The following KCNK3 variants were observed in gnomAD, a reference collection of about 807,000 sequenced individuals.
KCNK3 encodes the protein potassium channel subfamily K member 3.
A neutral mutation model predicts 27.3 loss-of-function variants in KCNK3; 9 were observed. The ratio of observed to expected loss-of-function variants is 0.33; its 90% CI spans 0.20 to 0.57. The LOEUF is 0.57. KCNK3 is among the 20% of genes least tolerant of loss of function. The pLI is 0.87. For missense variants in KCNK3, 391 were observed against 577.7 expected (o/e 0.68, Z 3.31); for synonymous variants, 278 against 273.8 (o/e 1.02, Z -0.15).
chr2:26,700,363 C>T (rs1294142179), intron 1 of KCNK3, among the ~76,000 whole-genome samples: 1 of 152,244 alleles, frequency 6.6e-6, no homozygotes, highest in Non-Finnish European at 1.5e-5. Context: ...CATGCTACAG[C>T]AGCTCCCAGG....
chr2:26,724,319 C>T (rs1042370807), intron 1 of KCNK3, among the ~76,000 whole-genome samples: 1 of 152,334 alleles, frequency 6.6e-6, no homozygotes, highest in African/African-American at 2.4e-5. Context: ...CTCAGAGCAA[C>T]GCCTGAGGCT....
intron 1 of KCNK3, among the ~76,000 whole-genome samples, chr2:26,694,882 C>T (rs1011119795): frequency 6.6e-6 from 1 of 152,148 alleles, no homozygotes; most frequent in African/African-American, 2.4e-5. Context: ...TTCTCAGGCC[C>T]ATGGTCCCCA....
intron 1 of KCNK3, among the ~76,000 whole-genome samples, chr2:26,708,655 GACA>G (rs2148260453): frequency 6.6e-6 from 1 of 152,264 alleles, no homozygotes; most frequent in Non-Finnish European, 1.5e-5. Flanking sequence ...CTCCAGCCTG[GACA>G]ACAAGAGCAA....
rs575753103 is a variant in KCNK3, at chr2:26,712,262, G to A, written c.284-15405G>A. Among the ~76,000 whole-genome samples, 4 of 152,344 alleles carry A rather than the reference G, an allele frequency of 2.6e-5. No homozygotes were observed. In the South Asian group the frequency reaches 6.2e-4, roughly 24 times the overall value. On this transcript the variant is annotated intron_variant, in intron 1 of 1. Transcript: ENST00000302909. The stretch of plus-strand genomic sequence containing the variant: ...TCTCCGTGTAAAGGGCAGTGTCCCC[G>A]AGGATGGGGACAACTGTTTGCTGTC...
intron 1 of KCNK3, among the ~76,000 whole-genome samples, chr2:26,711,213 A>C (rs1408169752): frequency 6.6e-6 from 1 of 152,120 alleles, no homozygotes; most frequent in African/African-American, 2.4e-5. Flanking sequence ...TGACCGAGTC[A>C]CCTCACCTGT....
chr2:26,696,650 C>T (rs1670238913), intron 1 of KCNK3, among the ~76,000 whole-genome samples: 1 of 152,218 alleles, frequency 6.6e-6, no homozygotes, highest in South Asian at 2.1e-4. Flanking sequence ...GTTCACCCAA[C>T]AGTAATAGAA....
chr2:26,698,263 A>G (rs1212625391), intron 1 of KCNK3, among the ~76,000 whole-genome samples: 1 of 149,846 alleles, frequency 6.7e-6, no homozygotes, highest in Admixed American at 6.7e-5. Context: ...CTTCCTGCCC[A>G]CAGGCTAGCC....
chr2:26,710,835 G>A (rs558949716), intron 1 of KCNK3, among the ~76,000 whole-genome samples: 2 of 152,284 alleles, frequency 1.3e-5, no homozygotes, highest in African/African-American at 4.8e-5. Context: ...AGGTCCAGCC[G>A]CTCTCCCGAA....
At chr2:26,694,827 C>T (rs1670215113) in intron 1 of KCNK3, among the ~76,000 whole-genome samples, 2 of 152,154 alleles carry the variant, frequency 1.3e-5, no homozygotes, top group Non-Finnish European at 2.9e-5. Context: ...GACCCTCTCT[C>T]TCCCTCTTTT....
At position 26,695,872 on chromosome 2, in the gene KCNK3, CT is replaced by C. The variant is rs376818461; in HGVS notation, c.283+2715del. Among the ~76,000 whole-genome samples, 114 of 152,336 alleles carry C rather than the reference CT, an allele frequency of 7.5e-4. 2 individuals carry two copies. The East Asian group carries it at 0.015, about 20-fold the overall frequency. The stretch of plus-strand genomic sequence containing the variant: ...GGAAAGACAACATCAGACCACCCCC[CT>C]GGTTCTGTGGGGGCCCCTCCCTCCC... On this transcript the variant is annotated intron_variant, in intron 1 of 1. Coordinates refer to ENST00000302909, the MANE Select transcript of KCNK3 (RefSeq NM_002246.3).
intron 1 of KCNK3, among the ~76,000 whole-genome samples, chr2:26,711,414 T>C (rs1323221639): frequency 2.0e-5 from 3 of 152,160 alleles, no homozygotes; most frequent in Non-Finnish European, 2.9e-5. Flanking sequence ...TCTTTCTCCC[T>C]AGAGGAGTGA....
intron 1 of KCNK3, among the ~76,000 whole-genome samples, chr2:26,700,496 T>C (rs1009777478): frequency 6.6e-6 from 1 of 152,184 alleles, no homozygotes; most frequent in Admixed American, 6.5e-5. Flanking sequence ...ACAGCTCCAG[T>C]TCTCCTGGGC....
rs368785387 is a variant in KCNK3 at position 26,697,147 on chromosome 2, A to G, written c.283+3989A>G. ...GAAGCATGGCACTTGCCCAGATTCA[A>G]TTGGACCTCTCTGACTCTCCTGCCC... is the stretch of plus-strand genomic sequence containing the variant. On this transcript the variant is annotated intron_variant, in intron 1 of 1. Coordinates refer to ENST00000302909, the MANE Select transcript of KCNK3 (RefSeq NM_002246.3). Among the ~76,000 whole-genome samples the G allele has an allele frequency of 3.9e-4, 60 of 152,244 alleles. 1 individual carries two copies. The highest frequency in any genetic ancestry group is 1.1e-3 in the African/African-American group (46 of 41,542).
At chr2:26,699,410 C>T (rs921404502) in intron 1 of KCNK3, among the ~76,000 whole-genome samples, 10 of 152,110 alleles carry the variant, frequency 6.6e-5, no homozygotes, top group African/African-American at 2.2e-4. Flanking sequence ...GAGAACAGGA[C>T]AGAAATAGAA....
intron 1 of KCNK3, among the ~76,000 whole-genome samples, chr2:26,700,243 G>C (rs1415819687): frequency 6.6e-6 from 1 of 152,248 alleles, no homozygotes; most frequent in Non-Finnish European, 1.5e-5. Flanking sequence ...CTGGTCCTCA[G>C]AGAGCCACAT....
At chr2:26,704,376 C>G (rs1248101727) in intron 1 of KCNK3, among the ~76,000 whole-genome samples, 1 of 152,162 alleles carries the variant, frequency 6.6e-6, no homozygotes, top group Non-Finnish European at 1.5e-5. Context: ...CACACACCCT[C>G]CCACAAATCC....
intron 1 of KCNK3, among the ~76,000 whole-genome samples, chr2:26,714,362 A>G: frequency 2.4e-5 from 1 of 41,020 alleles, no homozygotes; most frequent in Non-Finnish European, 5.7e-5. Flanking sequence ...GGTGTCCCCG[A>G]CTGTTGAATG....
Position 26,721,133 on chromosome 2 carries a change from G to C in KCNK3, c.284-6534G>C, listed in dbSNP as rs1429436293. Among the ~76,000 whole-genome samples, 1 of 152,104 alleles carries C rather than the reference G, an allele frequency of 6.6e-6. No homozygotes were observed. The highest frequency in any genetic ancestry group is 1.9e-4 in the East Asian group (1 of 5,168). Reference sequence around the variant, plus strand: ...CAGACCTCAGAGTCCTTCAGAACTGGAGCCTCTGGGTTCTGCAGCCCTCCC... The same window carrying C: ...CAGACCTCAGAGTCCTTCAGAACTGCAGCCTCTGGGTTCTGCAGCCCTCCC... On this transcript the variant is annotated intron_variant, in intron 1 of 1. Coordinates refer to ENST00000302909, the MANE Select transcript of KCNK3 (RefSeq NM_002246.3). The surrounding 1 kb of genome is among the most constrained non-coding windows in gnomAD (Gnocchi z 4.3).
In KCNK3 at chr2:26,729,458, G is replaced by A. The variant is rs1372531824; in HGVS notation, c.*890G>A. The A allele has an allele frequency of 1.3e-5, 2 of 152,072 alleles. No homozygotes were observed. The highest frequency in any genetic ancestry group is 2.9e-5 in the Non-Finnish European group (2 of 68,030). 9.4% of individuals were successfully genotyped at this position (152,072 alleles called of 1,614,324 possible). A position where few individuals can be genotyped will look rare whatever the true frequency, so the allele number is the denominator to read the frequency against. ...TTGAGTCTCACAAAACCCTACTTAGGTCATCAGGGCAGGAGTTCTCACTCC... is the reference window on the plus strand; with the variant it reads ...TTGAGTCTCACAAAACCCTACTTAGATCATCAGGGCAGGAGTTCTCACTCC... On this transcript the variant is annotated 3_prime_UTR_variant, in exon 2 of 2. Transcript: ENST00000302909.
Sources: allele counts gnomAD v4.1 joint callset (sites outside exome capture counted in the v4.1 genomes callset), GRCh38; gene constraint gnomAD v4.1.1; non-coding constraint Gnocchi (gnomAD v3.1); transcripts MANE v1.5; gene names NCBI Gene and HGNC (gene_info 2026-07-23, HGNC 2026-07-21).